The following ACBD6 variants were observed in gnomAD, a reference collection of about 807,000 sequenced individuals.
ACBD6 encodes acyl-CoA binding domain containing 6, also known as acyl-CoA-binding domain-containing protein 6.
A neutral mutation model predicts 37.2 loss-of-function variants in ACBD6; 28 were observed. The observed-to-expected ratio is 0.75, with a 90% CI of 0.56 to 1.03. The LOEUF (loss-of-function observed/expected upper bound fraction) is 1.03. Among genes scored for constraint, ACBD6 ranks in the 50% least tolerant of loss-of-function variants. The pLI is 0.00. For synonymous variants in ACBD6, 113 were observed against 126.8 expected, an observed-to-expected ratio of 0.89 and a Z score of 0.73; for missense variants, 340 against 337.4, an observed-to-expected ratio of 1.01 and a Z score of -0.06.
chr1:180,383,440 T>C (rs1159814213), intron 6 of ACBD6, among the ~76,000 whole-genome samples: 1 of 152,018 alleles, frequency 6.6e-6, no homozygotes, highest in East Asian at 1.9e-4. Flanking sequence ...CCATTTACAA[T>C]AGCTATAAAA....
intron 6 of ACBD6, among the ~76,000 whole-genome samples, chr1:180,325,693 T>C (rs575903465): frequency 1.5e-4 from 23 of 152,318 alleles, no homozygotes; most frequent in African/African-American, 5.5e-4. Flanking sequence ...GGCACGTTTG[T>C]GCCCATTTTT....
At chr1:180,330,250 A>C (rs1436335353) in intron 6 of ACBD6, among the ~76,000 whole-genome samples, 1 of 148,558 alleles carries the variant, frequency 6.7e-6, no homozygotes, top group Non-Finnish European at 1.5e-5. Context: ...TTGACTCTAT[A>C]AGAATTTTTT....
chr1:180,312,701 TG>T (rs1447608828), intron 7 of ACBD6, among the ~76,000 whole-genome samples: 1 of 152,216 alleles, frequency 6.6e-6, no homozygotes, highest in Non-Finnish European at 1.5e-5. Context: ...AATCAGGCCA[TG>T]GAAGTCTCCT....
At chr1:180,284,540 T>A (rs558502430), downstream of ACBD6, among the ~76,000 whole-genome samples, 1 of 151,956 alleles carries the variant, frequency 6.6e-6, no homozygotes, top group Admixed American at 6.6e-5. Flanking sequence ...AATTTTTGTA[T>A]TTTCTGGTAG....
At chr1:180,453,770 C>G (rs1306011528) in intron 3 of ACBD6, among the ~76,000 whole-genome samples, 2 of 152,020 alleles carry the variant, frequency 1.3e-5, no homozygotes, top group Non-Finnish European at 2.9e-5. Context: ...AACAGAGAGC[C>G]AAATCATGAG....
intron 3 of ACBD6, among the ~76,000 whole-genome samples, chr1:180,433,271 T>C (rs1648881623): frequency 6.6e-6 from 1 of 152,066 alleles, no homozygotes; most frequent in Non-Finnish European, 1.5e-5. Context: ...AGCATATTAA[T>C]ACAATGAAGG....
chr1:180,272,214 T>TAGGAAACAA (rs1387782860), intron 13 of ACBD6, among the ~76,000 whole-genome samples: 1 of 152,022 alleles, frequency 6.6e-6, no homozygotes, highest in African/African-American at 2.4e-5. Flanking sequence ...TGCTGAGGTC[T>TAGGAAACAA]GGAAGCTGGG....
intron 6 of ACBD6, among the ~76,000 whole-genome samples, chr1:180,337,755 C>T (rs1651800995): frequency 6.6e-6 from 1 of 152,116 alleles, no homozygotes; most frequent in Non-Finnish European, 1.5e-5. Flanking sequence ...CTAGAAAACC[C>T]CATCGTCTCA....
chr1:180,288,940 T>C (rs895147715), intron 7 of ACBD6, among the ~76,000 whole-genome samples: 1 of 152,082 alleles, frequency 6.6e-6, no homozygotes, highest in African/African-American at 2.4e-5. Context: ...TGTTTTGTTT[T>C]TGAAGAGGGG....
intron 5 of ACBD6, among the ~76,000 whole-genome samples, chr1:180,401,776 A>C (rs967431850): frequency 1.9e-4 from 28 of 149,216 alleles, no homozygotes; most frequent in Admixed American, 1.8e-3. Flanking sequence ...CAACAGAGCA[A>C]AATTCTGTCC....
chr1:180,400,074 A>G (rs1036997418), intron 5 of ACBD6, among the ~76,000 whole-genome samples: 1 of 152,240 alleles, frequency 6.6e-6, no homozygotes, highest in African/African-American at 2.4e-5. Context: ...CAATAGGGTT[A>G]TATCAACTAA....
At chr1:180,309,391 C>T (rs1024842951) in intron 7 of ACBD6, among the ~76,000 whole-genome samples, 11 of 152,182 alleles carry the variant, frequency 7.2e-5, no homozygotes, top group Admixed American at 1.3e-4. Flanking sequence ...AAGGCATTCA[C>T]TCCTAATGGT....
intron 7 of ACBD6, among the ~76,000 whole-genome samples, chr1:180,296,786 G>A (rs757362638): frequency 4.0e-5 from 6 of 151,314 alleles, no homozygotes; most frequent in Non-Finnish European, 8.8e-5. Flanking sequence ...TGCCATCTAG[G>A]ATTTTCATAA....
At chr1:180,279,038 T>G (rs1028152944) in intron 9 of ACBD6, 2 of 152,098 alleles carry the variant, frequency 1.3e-5, no homozygotes, top group African/African-American at 4.8e-5. Flanking sequence ...TCTCTTGACA[T>G]AAATAGAATA....
At chr1:180,333,392 T>C (rs1651565063) in intron 6 of ACBD6, among the ~76,000 whole-genome samples, 1 of 152,208 alleles carries the variant, frequency 6.6e-6, no homozygotes, top group Non-Finnish European at 1.5e-5. Flanking sequence ...TGCTATTGCA[T>C]GCTCATGACA....
intron 3 of ACBD6, chr1:180,434,716 T>C (rs1356217417): frequency 1.0e-5 from 5 of 492,754 alleles, no homozygotes; most frequent in Non-Finnish European, 1.9e-5. Flanking sequence ...CAAACCAATG[T>C]ATTAATAAAC....
intron 5 of ACBD6, 117 bp from the exon 6 acceptor site, chr1:180,397,722 T>C: frequency 3.4e-6 from 3 of 894,020 alleles, no homozygotes; most frequent in Middle Eastern, 4.3e-4. Context: ...ATTCTAAGAA[T>C]GATTGATATA....
chr1:180,388,690 C>G (rs896181262), intron 6 of ACBD6, among the ~76,000 whole-genome samples: 16 of 152,038 alleles, frequency 1.1e-4, no homozygotes, highest in African/African-American at 3.9e-4. Context: ...ATCCTCCTGC[C>G]TTGGCCTTCC....
intron 6 of ACBD6, among the ~76,000 whole-genome samples, chr1:180,379,769 T>C (rs1653570959): frequency 6.6e-6 from 1 of 151,984 alleles, no homozygotes; most frequent in Non-Finnish European, 1.5e-5. Flanking sequence ...TGGGCCACCA[T>C]AAAATGACCA....
Sources: gnomAD v4.1 joint callset for allele counts (sites outside exome capture counted in the v4.1 genomes callset) on GRCh38, gnomAD v4.1.1 for gene constraint, MANE v1.5 for transcripts, NCBI Gene and HGNC (gene_info 2026-07-23, HGNC 2026-07-21) for gene names.